Variants in ECE1 observed in about 807,000 individuals in gnomAD.
ECE1 encodes the protein endothelin converting enzyme 1.
ECE1 carries 35 observed loss-of-function variants against 98.6 expected under a neutral mutation model. The ratio of observed to expected loss-of-function variants is 0.35; its 90% CI spans 0.27 to 0.47. The LOEUF is 0.47. Among genes scored for constraint, ECE1 ranks in the 20% least tolerant of loss-of-function variants. The pLI is 1.00. For synonymous variants in ECE1, 394 were observed against 407.1 expected (o/e 0.97, Z 0.39); for missense variants, 814 against 1,025.3 (o/e 0.79, Z 2.81).
chr1:21,291,874 G>A (rs2098266885), upstream of ECE1, among the ~76,000 whole-genome samples: 2 of 151,828 alleles, frequency 1.3e-5, no homozygotes, highest in Non-Finnish European at 2.9e-5. Flanking sequence ...GTTCACACCT[G>A]TAATCCCAGC....
At chr1:21,228,209 GTTTGT>G (rs2098176950) in intron 14 of ECE1, among the ~76,000 whole-genome samples, 168 bp from the exon 15 acceptor site, 1 of 152,104 alleles carries the variant, frequency 6.6e-6, no homozygotes, top group African/African-American at 2.4e-5. Flanking sequence ...CAGAAGGACT[GTTTGT>G]TTTGAGACAG....
At chr1:21,324,444 G>A (rs1639034750) in intron 1 of ECE1, among the ~76,000 whole-genome samples, 1 of 152,196 alleles carries the variant, frequency 6.6e-6, no homozygotes, top group African/African-American at 2.4e-5. Context: ...AGACTCCAAC[G>A]GCTGCCACAG....
chr1:21,312,964 T>C (rs1448452060), intron 1 of ECE1, among the ~76,000 whole-genome samples: 1 of 152,146 alleles, frequency 6.6e-6, no homozygotes, highest in Non-Finnish European at 1.5e-5. Context: ...AATACTATCA[T>C]TGTCTCTCAT....
chr1:21,306,634 T>C (rs550622588), intron 1 of ECE1, among the ~76,000 whole-genome samples: 18 of 152,204 alleles, frequency 1.2e-4, no homozygotes, highest in African/African-American at 4.3e-4. Context: ...CACCCGGCCA[T>C]ATTATTGACC....
At chr1:21,289,498 C>T (rs2098264132) in intron 2 of ECE1, among the ~76,000 whole-genome samples, 1 of 152,060 alleles carries the variant, frequency 6.6e-6, no homozygotes, top group African/African-American at 2.4e-5. Flanking sequence ...AATTGGACTT[C>T]CTTAGTAGGC....
At chr1:21,227,440 T>C (rs6665399) in intron 15 of ECE1, among the ~76,000 whole-genome samples, 77,271 of 152,148 alleles carry the variant, frequency 0.51, 21,070 homozygotes, top group African/African-American at 0.71. Flanking sequence ...GCTGTGCCTA[T>C]TGGGCACCAT....
At chr1:21,252,347 T>C (rs906801392) in intron 8 of ECE1, among the ~76,000 whole-genome samples, 1 of 152,224 alleles carries the variant, frequency 6.6e-6, no homozygotes, top group African/African-American at 2.4e-5. Flanking sequence ...ACGGCTGTTT[T>C]AACTGACTAG....
upstream of ECE1, among the ~76,000 whole-genome samples, chr1:21,292,271 T>A (rs1347156857): frequency 6.6e-6 from 1 of 152,072 alleles, no homozygotes; most frequent in East Asian, 1.9e-4. Context: ...CCCTGCCCAC[T>A]CTGGGCCCTC....
intron 17 of ECE1, among the ~76,000 whole-genome samples, chr1:21,223,960 GTCTC>G (rs1184759062): frequency 6.6e-6 from 1 of 152,130 alleles, no homozygotes; most frequent in African/African-American, 2.4e-5. Flanking sequence ...CCTATATTGT[GTCTC>G]TCTATCATAA....
rs1371308117 is a variant in ECE1 at position 21,220,677 on chromosome 1, T to A, written c.2137-546A>T. 6.6e-6 allele frequency among the ~76,000 whole-genome samples: 1 copy of A among 151,970 alleles called. No homozygotes were observed. The highest frequency in any genetic ancestry group is 2.4e-5 in the African/African-American group (1 of 41,372). On this transcript the variant is annotated intron_variant, in intron 18 of 18. Coordinates refer to ENST00000374893, the MANE Select transcript of ECE1 (RefSeq NM_001397.3). The surrounding 1 kb of genome is among the most constrained non-coding windows in gnomAD (Gnocchi z 5.0). ...ATGGGCGTGGTGGTGCGTGCCTATA[T>A]CCCAGCTACATGAGAGGATGAGGCA...
At position 21,279,241 on chromosome 1, in the gene ECE1, G is replaced by T; in HGVS notation, c.230C>A (p.Ala77Glu). The change falls in exon 3 of 19, where the codon GCG (alanine) becomes GAG (glutamate). Residue 77 changes from alanine (A) to glutamate (E), a missense_variant. Physicochemically the swap from Ala to Glu is moderately radical, Grantham distance 107 (BLOSUM62 -1). This residue lies in a region of ECE1 where 257 missense variants were observed against 278.9 expected (regional missense o/e 0.92). Coordinates refer to ENST00000374893, the MANE Select transcript of ECE1 (RefSeq NM_001397.3). ...TGCCAAGCAGGCCACCAGTCCTGCC[G>T]CCAGAAGTACCACCAACACCACCAG... ...KRLVVLVVLL[A>E]AGLVACLAAL... 1 of 1,614,164 alleles carries T rather than the reference G, an allele frequency of 6.2e-7. No homozygotes were observed. Among genetic ancestry groups the T allele is most frequent in the African/African-American group, 1.3e-5 (1 of 75,046 alleles).
At chr1:21,259,270 T>A (rs212529) in intron 5 of ECE1, among the ~76,000 whole-genome samples, 26,486 of 151,998 alleles carry the variant, frequency 0.17, 2,751 homozygotes, top group African/African-American at 0.29. Context: ...GTTGGGATTT[T>A]AAAAAAATTT....
chr1:21,286,344 T>G (rs965172240), intron 2 of ECE1, among the ~76,000 whole-genome samples: 12 of 152,242 alleles, frequency 7.9e-5, no homozygotes, highest in African/African-American at 2.7e-4. Context: ...AGTGAGTTTC[T>G]GTAATAATCC....
intron 1 of ECE1, among the ~76,000 whole-genome samples, chr1:21,313,541 A>T (rs924710345): frequency 1.1e-4 from 16 of 151,884 alleles, no homozygotes; most frequent in Non-Finnish European, 2.1e-4. Flanking sequence ...AACTAGGGAG[A>T]GGAATACATG....
At chr1:21,326,190 C>T (rs79153571) in intron 1 of ECE1, among the ~76,000 whole-genome samples, 1,942 of 151,690 alleles carry the variant, frequency 0.013, 42 homozygotes, top group African/African-American at 0.044. Context: ...CCACACAGCA[C>T]GAGCTCCCTG....
rs1197033212 is a variant in ECE1 at position 21,290,422 on chromosome 1, C to A, written c.-8G>T. 1.6e-6 allele frequency: 2 copies of A among 1,234,440 alleles called. No homozygotes were observed. The highest frequency in any genetic ancestry group is 2.0e-6 in the Non-Finnish European group (2 of 990,184). 76.5% of individuals were successfully genotyped at this position (1,234,440 alleles called of 1,614,324 possible). A position where few individuals can be genotyped will look rare whatever the true frequency, so the allele number is the denominator to read the frequency against. On this transcript the variant is annotated 5_prime_UTR_variant, in exon 1 of 19. Transcript: ENST00000374893. The surrounding 1 kb of genome is among the most constrained non-coding windows in gnomAD (Gnocchi z 7.3). ...CGGCCACACGCCCCGCATGCTGTGCCCCAGACGCCTGGTCCCGCTGCCCGG... is the reference window on the plus strand; with the variant it reads ...CGGCCACACGCCCCGCATGCTGTGCACCAGACGCCTGGTCCCGCTGCCCGG...
In ECE1 at chr1:21,221,606, A is replaced by T. The variant is rs565699903; in HGVS notation, c.2136+141T>A. On this transcript the variant is annotated intron_variant, in intron 18 of 18. Transcript: ENST00000374893. The stretch of plus-strand genomic sequence containing the variant: ...GGCCCTTCCGTGCATCTCTCTAATG[A>T]CAGGGCACATGTGCTGTGCACAGTC... 5 of 886,824 alleles carry T rather than the reference A, an allele frequency of 5.6e-6. No homozygotes were observed. The Admixed American group carries it at 8.6e-5, about 15-fold the overall frequency. The allele number at this position is 886,824 out of a possible 1,614,324, so 54.9% of individuals were successfully genotyped here. A position where few individuals can be genotyped will look rare whatever the true frequency, so the allele number is the denominator to read the frequency against.
At chr1:21,279,659 G>C in intron 2 of ECE1, 2 of 1,414,876 alleles carry the variant, frequency 1.4e-6, no homozygotes, top group Middle Eastern at 2.6e-4. Context: ...AAAAGAACAG[G>C]ATGTTTGGAC....
intron 1 of ECE1, among the ~76,000 whole-genome samples, chr1:21,333,201 G>C (rs1030816936): frequency 6.6e-6 from 1 of 152,120 alleles, no homozygotes; most frequent in African/African-American, 2.4e-5. Flanking sequence ...TTGGTGGTGC[G>C]TGGTAGGGAT....
Sources: allele counts gnomAD v4.1 joint callset (sites outside exome capture counted in the v4.1 genomes callset), GRCh38; gene constraint gnomAD v4.1.1; regional missense constraint gnomAD v4.1.1; non-coding constraint Gnocchi (gnomAD v3.1); transcripts MANE v1.5; gene names NCBI Gene and HGNC (gene_info 2026-07-23, HGNC 2026-07-21).